Variants in RBFOX2 observed in about 807,000 individuals in gnomAD.
RBFOX2 encodes RNA binding fox-1 homolog 2, also known as RNA binding protein fox-1 homolog 2.
Under a neutral mutation model 49.1 loss-of-function variants are expected in RBFOX2, and 10 were observed. The ratio of observed to expected loss-of-function variants is 0.20; its 90% CI spans 0.13 to 0.35. The LOEUF (loss-of-function observed/expected upper bound fraction) is 0.35. Among genes scored for constraint, RBFOX2 ranks in the 10% least tolerant of loss-of-function variants. The probability of loss-of-function intolerance (pLI) is 1.00; values close to 1 mark genes in which losing one functional copy is unlikely to be tolerated. For missense variants in RBFOX2, 323 were observed against 486.9 expected (o/e 0.66, Z 3.17); for synonymous variants, 183 against 187.4 (o/e 0.98, Z 0.19).
chr22:35,952,562 G>A (rs1170008268), intron 1 of RBFOX2, among the ~76,000 whole-genome samples: 1 of 152,098 alleles, frequency 6.6e-6, no homozygotes, highest in African/African-American at 2.4e-5. Flanking sequence ...ATTTCCCTGA[G>A]CTAAATTTCA....
At chr22:35,851,524 C>T (rs2041931751) in intron 1 of RBFOX2, among the ~76,000 whole-genome samples, 1 of 152,160 alleles carries the variant, frequency 6.6e-6, no homozygotes, top group Non-Finnish European at 1.5e-5. Context: ...CATGGAAAAA[C>T]ATTTTTTAAA....
upstream of RBFOX2, among the ~76,000 whole-genome samples, chr22:35,963,047 C>T (rs562443459): frequency 8.0e-6 from 1 of 125,022 alleles, no homozygotes; most frequent in Admixed American, 9.1e-5. Flanking sequence ...CTCCAGGGCA[C>T]CAACTCTCCA....
intron 1 of RBFOX2, among the ~76,000 whole-genome samples, chr22:35,931,258 G>GA (rs891992911): frequency 8.0e-5 from 12 of 149,104 alleles, no homozygotes; most frequent in East Asian, 2.0e-4. Context: ...TAACAGGGGG[G>GA]AAAAAAAGCA....
chr22:35,835,794 C>T (rs1262628788), intron 1 of RBFOX2, among the ~76,000 whole-genome samples: 2 of 152,110 alleles, frequency 1.3e-5, no homozygotes, highest in Non-Finnish European at 2.9e-5. Context: ...TTATGAAATT[C>T]TGTTTATCTT....
upstream of RBFOX2, among the ~76,000 whole-genome samples, chr22:35,964,895 C>G (rs1433029162): frequency 1.3e-5 from 2 of 152,202 alleles, no homozygotes; most frequent in Non-Finnish European, 2.9e-5. Flanking sequence ...AATGTATCTA[C>G]TGATGTCAAA....
chr22:35,890,763 G>T (rs2047141281), intron 1 of RBFOX2, among the ~76,000 whole-genome samples: 1 of 151,922 alleles, frequency 6.6e-6, no homozygotes, highest in Non-Finnish European at 1.5e-5. Flanking sequence ...GTGCACTGAG[G>T]AGTAAATGTT....
chr22:35,954,434 G>A (rs566984329), intron 1 of RBFOX2, among the ~76,000 whole-genome samples: 5 of 152,150 alleles, frequency 3.3e-5, no homozygotes, highest in Admixed American at 6.5e-5. Flanking sequence ...TATCTATGGC[G>A]AAAGCACTCA....
chr22:35,782,673 A>T (rs1040526303), intron 2 of RBFOX2, among the ~76,000 whole-genome samples: 4 of 152,140 alleles, frequency 2.6e-5, no homozygotes, highest in African/African-American at 7.2e-5. Context: ...AACTTATGCA[A>T]TTCCAGCTAA....
chr22:35,751,847 G>C (rs1935049496), intron 9 of RBFOX2, among the ~76,000 whole-genome samples: 1 of 152,188 alleles, frequency 6.6e-6, no homozygotes, highest in South Asian at 2.1e-4. Context: ...GTAGATGAGA[G>C]ACGATTTTCA....
chr22:35,925,698 A>C (rs2051549442), intron 1 of RBFOX2, among the ~76,000 whole-genome samples: 1 of 152,220 alleles, frequency 6.6e-6, no homozygotes. Flanking sequence ...TAGAATTCAA[A>C]CCCACATTTA....
At chr22:36,026,335 A>G (rs2059433290) in intron 1 of RBFOX2, among the ~76,000 whole-genome samples, 1 of 151,818 alleles carries the variant, frequency 6.6e-6, no homozygotes, top group Non-Finnish European at 1.5e-5. Context: ...GATAACTCTC[A>G]GCTGCCAATT....
intron 1 of RBFOX2, among the ~76,000 whole-genome samples, chr22:35,832,143 AG>A (rs1956924430): frequency 6.6e-6 from 1 of 152,212 alleles, no homozygotes; most frequent in East Asian, 1.9e-4. Context: ...AGGTCGAGGC[AG>A]GTGTATCACC....
upstream of RBFOX2, chr22:35,939,333 G>GTT (rs1450372723): frequency 4.6e-6 from 2 of 431,444 alleles, no homozygotes; most frequent in Admixed American, 5.0e-5. Context: ...GATGGAAAGG[G>GTT]GACAAGTACC....
Position 35,832,352 on chromosome 22 carries a change from G to A in RBFOX2, c.27+7840C>T, listed in dbSNP as rs115410700. 5.5e-3 allele frequency among the ~76,000 whole-genome samples: 836 copies of A among 152,000 alleles called. 7 individuals are homozygous for A. Among genetic ancestry groups the A allele is most frequent in the African/African-American group, 0.019 (797 of 41,482 alleles). ...CACACCACTACATTCCAACCTGGGC[G>A]AAAGAGTGAGACCCTGTCTCAAAAA... On this transcript the variant is annotated intron_variant, in intron 1 of 11. Coordinates refer to ENST00000405409, the Ensembl canonical transcript of RBFOX2.
intron 1 of RBFOX2, among the ~76,000 whole-genome samples, chr22:36,024,223 G>T (rs1488132528): frequency 6.6e-6 from 1 of 152,276 alleles, no homozygotes; most frequent in Admixed American, 6.5e-5. Context: ...CACTTACCAA[G>T]TACCCAAAAC....
At chr22:35,916,442 C>T (rs565939515) in intron 1 of RBFOX2, among the ~76,000 whole-genome samples, 4 of 152,094 alleles carry the variant, frequency 2.6e-5, no homozygotes, top group Non-Finnish European at 4.4e-5. Flanking sequence ...CCACCAAACC[C>T]GGCTAATATT....
intron 1 of RBFOX2, among the ~76,000 whole-genome samples, chr22:36,004,899 T>C (rs1251863230): frequency 2.0e-5 from 3 of 152,118 alleles, no homozygotes; most frequent in Non-Finnish European, 4.4e-5. Flanking sequence ...CCTTATTACA[T>C]AGGAACAGCA....
At chr22:35,761,319 A>G in intron 7 of RBFOX2, 25 bp from the exon 9 acceptor site, 1 of 1,613,880 alleles carries the variant, frequency 6.2e-7, no homozygotes, top group Non-Finnish European at 8.5e-7. Flanking sequence ...AAAAAATTTA[A>G]AAATGCAAGA....
chr22:35,848,967 A>AC (rs2041555969), intron 1 of RBFOX2, among the ~76,000 whole-genome samples: 1 of 152,098 alleles, frequency 6.6e-6, no homozygotes, highest in East Asian at 1.9e-4. Context: ...CCTAACTTCA[A>AC]TTTTTCTTAC....
Sources: gnomAD v4.1 joint callset for allele counts (sites outside exome capture counted in the v4.1 genomes callset) on GRCh38, gnomAD v4.1.1 for gene constraint, MANE v1.5 for transcripts, NCBI Gene and HGNC (gene_info 2026-07-23, HGNC 2026-07-21) for gene names.